SEC16B: variants seen among roughly 807,000 people sequenced by gnomAD.
SEC16B encodes protein transport protein Sec16B.
Under a neutral mutation model 141.8 loss-of-function variants are expected in SEC16B, and 115 were observed. That is an observed-to-expected ratio of 0.81 (90% confidence interval 0.70 to 0.95). The LOEUF is 0.95. SEC16B is among the 40% of genes least tolerant of loss of function. SEC16B has a pLI of 0.00. For missense variants in SEC16B, 1,291 were observed against 1,312.3 expected (o/e 0.98, Z 0.25); for synonymous variants, 493 against 492.5 (o/e 1.00, Z -0.01).
chr1:177,971,941 G>A (rs531235446), upstream of SEC16B, among the ~76,000 whole-genome samples: 3 of 152,326 alleles, frequency 2.0e-5, no homozygotes, highest in African/African-American at 7.2e-5. Flanking sequence ...TACAAAGCAA[G>A]GTTGTTGGTG....
Position 177,932,692 on chromosome 1 carries a change from C to T in SEC16B, c.2932+6G>A, listed in dbSNP as rs182855744. ...CCATGGCCCAGAGGACGTGAGGTGA[C>T]GGTACCTCTGCCCCTGGAGAAGGCA... On this transcript the variant is annotated splice_donor_region_variant and intron_variant, in intron 23 of 25. Coordinates refer to ENST00000308284, the MANE Select transcript of SEC16B (RefSeq NM_033127.4). 1.2e-3 allele frequency: 1,879 copies of T among 1,572,840 alleles called. 21 individuals are homozygous for T. Among genetic ancestry groups the T allele is most frequent in the African/African-American group, 0.011 (818 of 74,170 alleles).
Position 177,944,686 on chromosome 1 carries a change from A to G in SEC16B, c.1776-20T>C. On this transcript the variant is annotated intron_variant, in intron 14 of 25. Coordinates refer to ENST00000308284, the MANE Select transcript of SEC16B (RefSeq NM_033127.4). ...TCTTGACTAAAACCAGAGAATAACA[A>G]TAAAAGAGATTGAGGTGTGGGGGAC... 6.3e-7 allele frequency: 1 copy of G among 1,595,098 alleles called. No homozygotes were observed. Among genetic ancestry groups the G allele is most frequent in the Non-Finnish European group, 8.6e-7 (1 of 1,163,378 alleles).
intron 1 of SEC16B, among the ~76,000 whole-genome samples, chr1:177,976,091 A>G (rs1654160084): frequency 2.0e-5 from 3 of 152,216 alleles, no homozygotes; most frequent in Non-Finnish European, 4.4e-5. Flanking sequence ...CAGGCTTCCT[A>G]CAGGACCAAG....
intron 1 of SEC16B, among the ~76,000 whole-genome samples, chr1:177,981,678 A>T (rs528798278): frequency 1.3e-5 from 2 of 152,324 alleles, no homozygotes; most frequent in South Asian, 4.1e-4. Flanking sequence ...GGTAGAAGTT[A>T]CATACATTAT....
At chr1:177,959,078 T>C (rs1652867091) in intron 8 of SEC16B, 103 bp from the exon 9 acceptor site, 2 of 1,254,820 alleles carry the variant, frequency 1.6e-6, no homozygotes, top group Non-Finnish European at 2.3e-6. Context: ...TGGGCTGTGA[T>C]TGAGATAGAA....
intron 5 of SEC16B, among the ~76,000 whole-genome samples, chr1:177,962,531 A>G (rs1253813141): frequency 1.4e-5 from 2 of 146,494 alleles, no homozygotes; most frequent in African/African-American, 5.0e-5. Context: ...GAGCCCACGA[A>G]TTTGAGACCC....
intron 18 of SEC16B, among the ~76,000 whole-genome samples, chr1:177,937,857 AC>A (rs1650976598): frequency 1.3e-5 from 2 of 152,012 alleles, no homozygotes; most frequent in South Asian, 4.2e-4. Flanking sequence ...GAGGTGAGAC[AC>A]CCCTCATTAT....
upstream of SEC16B, among the ~76,000 whole-genome samples, chr1:177,974,080 C>A (rs534775013): frequency 1.1e-3 from 173 of 151,414 alleles, 1 homozygote; most frequent in Non-Finnish European, 2.0e-3. Context: ...AAGGAGAAGT[C>A]AAGGATGATC....
intron 15 of SEC16B, among the ~76,000 whole-genome samples, chr1:177,942,584 C>T (rs1651366368): frequency 6.6e-6 from 1 of 152,124 alleles, no homozygotes; most frequent in Non-Finnish European, 1.5e-5. Flanking sequence ...AGGAGAATTG[C>T]TTGAACCCAG....
At position 177,969,923 on chromosome 1, in the gene SEC16B, A is replaced by C. The variant is rs888832180; in HGVS notation, c.-98T>G. On this transcript the variant is annotated 5_prime_UTR_variant, in exon 1 of 26. Coordinates refer to ENST00000308284, the MANE Select transcript of SEC16B (RefSeq NM_033127.4). ...TCCCACCTTCCTTCAGCGCTGCTCC[A>C]GGGACCTGGCCCAAGAGTGCCTCCT... 6.6e-6 allele frequency: 1 copy of C among 152,264 alleles called. No homozygotes were observed. The highest frequency in any genetic ancestry group is 1.5e-5 in the Non-Finnish European group (1 of 68,132). The allele number at this position is 152,264 out of a possible 1,614,324, so 9.4% of individuals were successfully genotyped here. A position where few individuals can be genotyped will look rare whatever the true frequency, so the allele number is the denominator to read the frequency against.
intron 17 of SEC16B, among the ~76,000 whole-genome samples, chr1:177,940,286 G>A (rs190645236): frequency 2.0e-4 from 31 of 152,298 alleles, no homozygotes; most frequent in Non-Finnish European, 1.2e-4. Context: ...TGTTCCTAGC[G>A]GAGATGGGGA....
At chr1:177,935,396 T>G (rs1348427622) in intron 20 of SEC16B, among the ~76,000 whole-genome samples, 1 of 152,152 alleles carries the variant, frequency 6.6e-6, no homozygotes, top group Non-Finnish European at 1.5e-5. Flanking sequence ...ATCATATTTA[T>G]GAATGACATA....
intron 15 of SEC16B, among the ~76,000 whole-genome samples, chr1:177,944,354 T>A (rs575907383): frequency 3.5e-4 from 53 of 152,342 alleles, no homozygotes; most frequent in African/African-American, 1.2e-3. Flanking sequence ...CAGAGAGGCC[T>A]CTGCAAGGTT....
chr1:177,941,048 A>C (rs1651234170), intron 16 of SEC16B, among the ~76,000 whole-genome samples: 1 of 152,248 alleles, frequency 6.6e-6, no homozygotes, highest in Admixed American at 6.5e-5. Context: ...GAATTTTGTT[A>C]AAATTCTAAT....
chr1:177,977,471 G>A lies in SEC16B; in HGVS notation c.-59+6735C>T, dbSNP rs925199579. Among the ~76,000 whole-genome samples, 4 of 152,126 alleles carry A rather than the reference G, an allele frequency of 2.6e-5. No individual in the cohort carries two copies. The South Asian group carries it at 8.3e-4, about 32-fold the overall frequency. On this transcript the variant is annotated intron_variant and NMD_transcript_variant, in intron 1 of 24. Transcript: ENST00000528461. Reference sequence around the variant, plus strand: ...ATAAGATACTAGAAGGTACCTAGGGGGCTAGTGACACTCTCAGTTTACCTG... The same window carrying A: ...ATAAGATACTAGAAGGTACCTAGGGAGCTAGTGACACTCTCAGTTTACCTG...
rs1325822035 is a variant in SEC16B, at chr1:177,958,885, T to C, written c.1089A>G (p.Ser363=). Residue 363 remains serine (S), a synonymous_variant, in exon 9 of 26, where the codon TCA becomes TCG. Coordinates refer to ENST00000308284, the MANE Select transcript of SEC16B (RefSeq NM_033127.4). ...GAACCAAGAGCTGCCACAGTAGAGCTGAGTCTCTGCTCCCCAGTGTCTCAG... is the reference window on the plus strand; with the variant it reads ...GAACCAAGAGCTGCCACAGTAGAGCCGAGTCTCTGCTCCCCAGTGTCTCAG... The part of the protein sequence containing the change: ...CKSETLGSRD[S]ALLWQLLVLL... 1.9e-6 allele frequency: 3 copies of C among 1,613,704 alleles called. No individual in the cohort carries two copies. Among genetic ancestry groups the C allele is most frequent in the Admixed American group, 1.7e-5 (1 of 59,996 alleles).
intron 4 of SEC16B, 21 bp from the exon 5 acceptor site, chr1:177,964,300 C>A: frequency 6.3e-7 from 1 of 1,587,850 alleles, no homozygotes; most frequent in Non-Finnish European, 8.6e-7. Context: ...ATGACAGGAG[C>A]AGTGAGCGGG....
intron 19 of SEC16B, 102 bp downstream of exon 19, chr1:177,937,112 T>A: frequency 1.5e-6 from 2 of 1,332,970 alleles, no homozygotes; most frequent in South Asian, 1.5e-5. Context: ...CTTTCCCAGC[T>A]CCAACCCTAC....
chr1:177,955,591 G>T (rs563969415), intron 10 of SEC16B, among the ~76,000 whole-genome samples: 1 of 151,654 alleles, frequency 6.6e-6, no homozygotes, highest in East Asian at 2.0e-4. Context: ...CAAGTGATCC[G>T]CCCACCTCCC....
Sources: allele counts gnomAD v4.1 joint callset (sites outside exome capture counted in the v4.1 genomes callset), GRCh38; gene constraint gnomAD v4.1.1; transcripts MANE v1.5; gene names NCBI Gene and HGNC (gene_info 2026-07-23, HGNC 2026-07-21).